Variants in RBFOX1 observed in about 807,000 individuals in gnomAD.
The protein encoded by RBFOX1 is RNA binding protein fox-1 homolog 1.
In RBFOX1, 8 loss-of-function variants were observed where a neutral mutation model predicts 57.7. The observed-to-expected ratio is 0.14, with a 90% confidence interval of 0.08 to 0.25. The LOEUF (loss-of-function observed/expected upper bound fraction) is 0.25. Among genes scored for constraint, RBFOX1 ranks in the 10% least tolerant of loss-of-function variants. The pLI is 1.00. For synonymous variants in RBFOX1, 326 were observed against 222.4 expected, an observed-to-expected ratio of 1.47 and a Z score of -4.15; for missense variants, 611 against 548.5, an observed-to-expected ratio of 1.11 and a Z score of -1.14.
intron 4 of RBFOX1, among the ~76,000 whole-genome samples, chr16:7,179,678 A>G (rs1035221699): frequency 3.9e-5 from 6 of 152,072 alleles, no homozygotes; most frequent in South Asian, 2.1e-4. Flanking sequence ...TTTGAGATGC[A>G]TTGTCCTTCA....
At chr16:5,474,335 T>G (rs923208829) in intron 2 of RBFOX1, among the ~76,000 whole-genome samples, 46 of 152,302 alleles carry the variant, frequency 3.0e-4, no homozygotes, top group Non-Finnish European at 5.7e-4. Context: ...AAAGCTTAAC[T>G]TGTTCATTAA....
At chr16:5,810,331 T>C (rs1342649976) in intron 3 of RBFOX1, among the ~76,000 whole-genome samples, 5 of 151,656 alleles carry the variant, frequency 3.3e-5, no homozygotes, top group Admixed American at 6.6e-5. Flanking sequence ...ATAATAATAA[T>C]TAAAAAAAGA....
chr16:5,502,094 A>C (rs1228921379), intron 2 of RBFOX1, among the ~76,000 whole-genome samples: 1 of 152,062 alleles, frequency 6.6e-6, no homozygotes, highest in East Asian at 1.9e-4. Context: ...GCTACAATTT[A>C]GAGTGACCAG....
At chr16:5,382,893 C>T (rs2066164958) in intron 1 of RBFOX1, among the ~76,000 whole-genome samples, 1 of 152,186 alleles carries the variant, frequency 6.6e-6, no homozygotes, top group South Asian at 2.1e-4. Flanking sequence ...CTTAAGTCTC[C>T]TTTTATGATG....
chr16:6,677,746 C>T (rs891975173), intron 3 of RBFOX1, among the ~76,000 whole-genome samples: 3 of 152,040 alleles, frequency 2.0e-5, no homozygotes, highest in Non-Finnish European at 2.9e-5. Context: ...AGATAGTGAG[C>T]GATTTATCTT....
At chr16:5,502,621 C>T (rs561094186) in intron 2 of RBFOX1, among the ~76,000 whole-genome samples, 32 of 152,292 alleles carry the variant, frequency 2.1e-4, no homozygotes, top group African/African-American at 5.3e-4. Flanking sequence ...AGGTCCAAGG[C>T]GCCTCCAGCC....
intron 2 of RBFOX1, among the ~76,000 whole-genome samples, chr16:6,458,251 C>T (rs543521706): frequency 6.8e-6 from 1 of 146,408 alleles, no homozygotes; most frequent in Non-Finnish European, 1.5e-5. Context: ...TGGCATCACT[C>T]AGGACCACAG....
At chr16:6,429,025 C>G (rs2094005959) in intron 2 of RBFOX1, among the ~76,000 whole-genome samples, 1 of 152,210 alleles carries the variant, frequency 6.6e-6, no homozygotes, top group South Asian at 2.1e-4. Flanking sequence ...TGCACCTGCT[C>G]TGTGCTGTTT....
At chr16:5,356,936 A>G (rs1054668743) in intron 1 of RBFOX1, among the ~76,000 whole-genome samples, 1 of 152,232 alleles carries the variant, frequency 6.6e-6, no homozygotes, top group Admixed American at 6.5e-5. Context: ...AATTGCTTAC[A>G]TACATCGTTT....
chr16:7,035,545 C>G (rs540448594), intron 3 of RBFOX1, among the ~76,000 whole-genome samples: 1 of 152,100 alleles, frequency 6.6e-6, no homozygotes, highest in Admixed American at 6.6e-5. Flanking sequence ...TCTTTCTGAA[C>G]GCTACTTGTG....
chr16:7,155,738 T>TATATATATATAC (rs1364155897), intron 4 of RBFOX1, among the ~76,000 whole-genome samples: 7 of 75,520 alleles, frequency 9.3e-5, no homozygotes, highest in African/African-American at 4.3e-4. Context: ...TATATATATA[T>TATATATATATAC]ACACACACAC....
intron 4 of RBFOX1, among the ~76,000 whole-genome samples, chr16:7,513,186 C>G (rs2075574187): frequency 6.6e-6 from 1 of 152,098 alleles, no homozygotes; most frequent in South Asian, 2.1e-4. Flanking sequence ...TCACTTGAAC[C>G]TCGGAGGCGG....
intron 14 of RBFOX1, among the ~76,000 whole-genome samples, chr16:7,698,110 C>G (rs933498332): frequency 6.6e-6 from 1 of 151,892 alleles, no homozygotes; most frequent in South Asian, 2.1e-4. Flanking sequence ...GGCTGAAAAA[C>G]AATTAACAAT....
intron 4 of RBFOX1, among the ~76,000 whole-genome samples, chr16:5,914,543 A>T (rs2042645807): frequency 6.6e-6 from 1 of 152,080 alleles, no homozygotes; most frequent in South Asian, 2.1e-4. Context: ...CTCTCTGTAG[A>T]CTGCTTGAGT....
intron 4 of RBFOX1, among the ~76,000 whole-genome samples, chr16:5,906,170 GTCCTAGGCCTCAGTGCCTCA>G (rs2058450500): frequency 6.6e-6 from 1 of 152,144 alleles, no homozygotes; most frequent in Non-Finnish European, 1.5e-5. Context: ...GACTGGTGAA[GTCCTAGGCCTCAGTGCCTCA>G]GACTGTGTCC....
intron 1 of RBFOX1, among the ~76,000 whole-genome samples, chr16:5,272,624 A>G (rs2063042196): frequency 6.6e-6 from 1 of 152,158 alleles, no homozygotes; most frequent in African/African-American, 2.4e-5. Context: ...GGAGCATACA[A>G]CACTTACAGC....
intron 1 of RBFOX1, among the ~76,000 whole-genome samples, chr16:5,278,748 T>A (rs35446527): frequency 0.27 from 41,136 of 152,106 alleles, 5,588 homozygotes; most frequent in African/African-American, 0.31. Flanking sequence ...TTTAATCAAT[T>A]TTGAGTTTAT....
At chr16:7,068,814 C>T (rs1047111183) in intron 4 of RBFOX1, among the ~76,000 whole-genome samples, 2 of 152,184 alleles carry the variant, frequency 1.3e-5, no homozygotes, top group Non-Finnish European at 2.9e-5. Flanking sequence ...GTCTCGAACT[C>T]CAGACCTCAA....
chr16:6,447,282 T>C (rs552867740), intron 2 of RBFOX1, among the ~76,000 whole-genome samples: 1 of 152,250 alleles, frequency 6.6e-6, no homozygotes, highest in African/African-American at 2.4e-5. Flanking sequence ...TGGCCATCGG[T>C]GAAAGGGATT....
Sources: allele counts gnomAD v4.1 joint callset (sites outside exome capture counted in the v4.1 genomes callset), GRCh38; gene constraint gnomAD v4.1.1; transcripts MANE v1.5; gene names NCBI Gene and HGNC (gene_info 2026-07-23, HGNC 2026-07-21).